INKA2: variants seen among roughly 807,000 people sequenced by gnomAD.
INKA2 encodes the protein inka box actin regulator 2.
In INKA2, 3 loss-of-function variants were observed where a neutral mutation model predicts 9.8. That is an observed-to-expected ratio of 0.31 (90% CI 0.14 to 0.79). INKA2 has a LOEUF of 0.79. Ranked by LOEUF, INKA2 falls within the 30% of genes least tolerant of loss-of-function variation. INKA2 has a pLI of 0.62. For missense variants in INKA2, 392 were observed against 384.4 expected, an observed-to-expected ratio of 1.02 and a Z score of -0.17; for synonymous variants, 147 against 143.3, an observed-to-expected ratio of 1.03 and a Z score of -0.18.
upstream of INKA2, chr1:111,744,345 C>CT (rs1216800670): frequency 6.6e-6 from 1 of 152,178 alleles, no homozygotes; most frequent in East Asian, 1.9e-4. Context: ...CTTTGGGTGT[C>CT]TTCAAACAAA....
At chr1:111,736,074 G>C (rs549237536) in intron 1 of INKA2, among the ~76,000 whole-genome samples, 2 of 152,228 alleles carry the variant, frequency 1.3e-5, no homozygotes, top group Non-Finnish European at 2.9e-5. Context: ...GGAGCTGTGC[G>C]TACGGAACAG....
At chr1:111,732,008 C>G (rs1485802669) in intron 1 of INKA2, among the ~76,000 whole-genome samples, 1 of 152,200 alleles carries the variant, frequency 6.6e-6, no homozygotes, top group Non-Finnish European at 1.5e-5. Flanking sequence ...CCAGCCACAT[C>G]CAGGGTGCCG....
At chr1:111,736,151 T>TC (rs1250738316) in intron 1 of INKA2, among the ~76,000 whole-genome samples, 1 of 152,190 alleles carries the variant, frequency 6.6e-6, no homozygotes, top group Non-Finnish European at 1.5e-5. Flanking sequence ...AGAGATGTGT[T>TC]CCCTGCTGAG....
At chr1:111,754,470 C>A (rs1663482887) in intron 1 of INKA2, 1 of 152,142 alleles carries the variant, frequency 6.6e-6, no homozygotes, top group South Asian at 2.1e-4. Flanking sequence ...AATCTATGGA[C>A]AAAGTTGGGC....
intron 1 of INKA2, among the ~76,000 whole-genome samples, chr1:111,732,343 A>T (rs1662924434): frequency 6.6e-6 from 1 of 152,152 alleles, no homozygotes; most frequent in African/African-American, 2.4e-5. Flanking sequence ...GCCAGCTCAG[A>T]TAGACAAAAT....
At chr1:111,745,289 A>AT (rs1381242388) in intron 1 of INKA2, 89 of 52,662 alleles carry the variant, frequency 1.7e-3, no homozygotes, top group Non-Finnish European at 2.4e-3. Flanking sequence ...ATATATATAT[A>AT]TATATTTTTT....
At chr1:111,749,559 T>G (rs1011873978) in intron 1 of INKA2, among the ~76,000 whole-genome samples, 2 of 152,218 alleles carry the variant, frequency 1.3e-5, no homozygotes, top group Non-Finnish European at 2.9e-5. Context: ...CCCTCTCTTT[T>G]CAGGAAGTGG....
Position 111,722,840 on chromosome 1 carries a change from G to T in INKA2, c.*4128C>A. On this transcript the variant is annotated 3_prime_UTR_variant, in exon 2 of 2. Transcript: ENST00000357260. ...CTTTTTCTTAAGCACTTTTGCCTTG[G>T]GTCACATGGTTAGTGCCTCTACTAA... is the stretch of plus-strand genomic sequence containing the variant. 1 of 478,488 alleles carries T rather than the reference G, an allele frequency of 2.1e-6. No homozygotes were observed. Among genetic ancestry groups the T allele is most frequent in the Non-Finnish European group, 3.7e-6 (1 of 270,404 alleles). 29.6% of individuals were successfully genotyped at this position (478,488 alleles called of 1,614,324 possible).
exon 1 of INKA2, chr1:111,755,733 GGGCTTTCCTCA>G (rs1663528044): frequency 6.2e-7 from 1 of 1,613,786 alleles, no homozygotes; most frequent in Admixed American, 1.7e-5. Flanking sequence ...CTCCCTCTTG[GGGCTTTCCTCA>G]GGCCACATTT....
chr1:111,750,514 C>T (rs56393545), intron 1 of INKA2, among the ~76,000 whole-genome samples: 17,260 of 152,142 alleles, frequency 0.11, 1,024 homozygotes, highest in African/African-American at 0.14. Flanking sequence ...TGAAAGTACC[C>T]GTGGCTAGGC....
chr1:111,728,260 G>A (rs1266621922), intron 1 of INKA2, among the ~76,000 whole-genome samples: 1 of 152,142 alleles, frequency 6.6e-6, no homozygotes, highest in Non-Finnish European at 1.5e-5. Flanking sequence ...TCCCTGAAAT[G>A]ATGACAGTGA....
At chr1:111,750,115 G>A (rs1663373371) in intron 1 of INKA2, among the ~76,000 whole-genome samples, 1 of 152,238 alleles carries the variant, frequency 6.6e-6, no homozygotes, top group African/African-American at 2.4e-5. Flanking sequence ...AAAGACTGAG[G>A]CAGTGGTGTT....
In INKA2 at chr1:111,727,511, G is replaced by T; in HGVS notation, c.351C>A (p.Ala117=). The T allele has an allele frequency of 6.2e-7, 1 of 1,614,208 alleles. No homozygotes were observed. The highest frequency in any genetic ancestry group is 8.5e-7 in the Non-Finnish European group (1 of 1,180,036). Residue 117 remains alanine (A), a synonymous_variant, in exon 2 of 2, where the codon GCC becomes GCA. Coordinates refer to ENST00000357260, the MANE Select transcript of INKA2 (RefSeq NM_019099.5). ...SHRSVCGRDL[A]PLPRTQPHQS... ...GATGTGGCTGTGTCCTGGGCAAGGG[G>T]GCTAAATCCCTTCCACAGACACTCC...
chr1:111,730,016 C>G (rs1375196551), intron 1 of INKA2, among the ~76,000 whole-genome samples: 1 of 152,250 alleles, frequency 6.6e-6, no homozygotes. Flanking sequence ...CCTGACAGCC[C>G]TGGGATTTGC....
chr1:111,746,964 A>C (rs1261211831), intron 1 of INKA2: 1 of 152,178 alleles, frequency 6.6e-6, no homozygotes, highest in East Asian at 1.9e-4. Context: ...GTGATCTCTA[A>C]AGTTTAAAAA....
chr1:111,738,725 C>T (rs1168714628), intron 1 of INKA2, among the ~76,000 whole-genome samples: 2 of 152,166 alleles, frequency 1.3e-5, no homozygotes, highest in Non-Finnish European at 2.9e-5. Flanking sequence ...CTCGTGCCCG[C>T]GCAGGGATCA....
At chr1:111,755,787 C>T (rs571581810) in exon 1 of INKA2, 13 of 1,610,524 alleles carry the variant, frequency 8.1e-6, no homozygotes, top group Admixed American at 3.3e-5. Flanking sequence ...CAGCCTCCGA[C>T]TCCCGTCCCT....
At position 111,723,433 on chromosome 1, in the gene INKA2, G is replaced by C. The variant is rs375428570; in HGVS notation, c.*3535C>G. ...GAGGGAGACCAGGCCGGCCCCACTA[G>C]CATGCCCAGCAGGGACTCTTTTCTG... On this transcript the variant is annotated 3_prime_UTR_variant, in exon 2 of 2. Transcript: ENST00000357260. 2.3e-5 allele frequency: 8 copies of C among 349,568 alleles called. No individual in the cohort carries two copies. Among genetic ancestry groups the C allele is most frequent in the Non-Finnish European group, 4.1e-5 (8 of 193,370 alleles). 21.7% of individuals were successfully genotyped at this position (349,568 alleles called of 1,614,324 possible).
In INKA2 at chr1:111,727,155, A is replaced by G. The variant is rs1662796259; in HGVS notation, c.707T>C (p.Met236Thr). Reference sequence around the variant, plus strand: ...GCGGCCGGTTCGGGACTCAGGGACCATGGGTGTCACCCAGCCTGGCTTCTC... The same window carrying G: ...GCGGCCGGTTCGGGACTCAGGGACCGTGGGTGTCACCCAGCCTGGCTTCTC... ...LKEKPGWVTP[M>T]VPESRTGRSQ... The change falls in exon 2 of 2, where the codon ATG (methionine) becomes ACG (threonine). Residue 236 changes from methionine to threonine, a missense_variant. Met to Thr is a moderately conservative substitution (Grantham distance 81). Coordinates refer to ENST00000357260, the MANE Select transcript of INKA2 (RefSeq NM_019099.5). 2 of 1,614,188 alleles carry G rather than the reference A, an allele frequency of 1.2e-6. No homozygotes were observed. Among genetic ancestry groups the G allele is most frequent in the Non-Finnish European group, 1.7e-6 (2 of 1,180,034 alleles).
Sources: gnomAD v4.1 joint callset for allele counts (sites outside exome capture counted in the v4.1 genomes callset) on GRCh38, gnomAD v4.1.1 for gene constraint, MANE v1.5 for transcripts, NCBI Gene and HGNC (gene_info 2026-07-23, HGNC 2026-07-21) for gene names.